Variants in MACROD1 observed in about 807,000 individuals in gnomAD.
MACROD1 encodes ADP-ribose glycohydrolase MACROD1.
In MACROD1, 31 loss-of-function variants were observed where a neutral mutation model predicts 41.4. The observed-to-expected ratio is 0.75, with a 90% confidence interval of 0.56 to 1.01. MACROD1 has a LOEUF of 1.01. MACROD1 is among the 50% of genes least tolerant of loss of function. MACROD1 has a pLI of 0.00. For synonymous variants in MACROD1, 252 were observed against 203.4 expected (o/e 1.24, Z -2.03); for missense variants, 473 against 460.0 (o/e 1.03, Z -0.26).
chr11:63,999,165 C>CCAT (rs1942771069), intron 8 of MACROD1, 129 bp from the exon 9 acceptor site: 3 of 1,290,908 alleles, frequency 2.3e-6, no homozygotes, highest in Admixed American at 2.1e-5. Flanking sequence ...CGGCTGTGTG[C>CCAT]CATCACCCCC....
chr11:64,162,586 G>A (rs1033432689), intron 1 of MACROD1, among the ~76,000 whole-genome samples: 10 of 151,682 alleles, frequency 6.6e-5, no homozygotes, highest in African/African-American at 2.2e-4. Context: ...AGGCTGAGGC[G>A]GGCAGATCAC....
chr11:64,013,416 T>C (rs933390102), intron 4 of MACROD1, among the ~76,000 whole-genome samples: 2 of 152,120 alleles, frequency 1.3e-5, no homozygotes, highest in African/African-American at 4.8e-5. Context: ...AGCAAGGGCA[T>C]TGCAGGCAGA....
chr11:64,070,541 G>T lies in MACROD1; in HGVS notation c.518-55260C>A, dbSNP rs144235418. Reference sequence around the variant, plus strand: ...GGAAGGCTGCCCGAGAGCAGAGCTCGAGAACTCGAAGCAAGTCAGGTGGGA... The same window carrying T: ...GGAAGGCTGCCCGAGAGCAGAGCTCTAGAACTCGAAGCAAGTCAGGTGGGA... On this transcript the variant is annotated intron_variant, in intron 3 of 10. Transcript: ENST00000255681. Among the ~76,000 whole-genome samples the T allele has an allele frequency of 3.9e-5, 6 of 152,284 alleles. No homozygotes were observed. The East Asian group carries it at 1.2e-3, about 29-fold the overall frequency.
chr11:64,000,140 C>G (rs2134317422), intron 5 of MACROD1, 87 bp downstream of exon 5: 1 of 1,102,884 alleles, frequency 9.1e-7, no homozygotes, highest in Admixed American at 2.2e-5. Flanking sequence ...TTCCCCAGCA[C>G]TCCTGTGGGG....
chr11:64,018,985 C>T (rs1165384530), intron 3 of MACROD1, among the ~76,000 whole-genome samples: 1 of 152,202 alleles, frequency 6.6e-6, no homozygotes, highest in Non-Finnish European at 1.5e-5. Context: ...GGACCCAGAC[C>T]TGCTCCCAGC....
chr11:64,105,572 G>A (rs540361983), intron 3 of MACROD1, among the ~76,000 whole-genome samples: 8 of 152,308 alleles, frequency 5.3e-5, no homozygotes, highest in African/African-American at 1.9e-4. Context: ...CCAACACTCA[G>A]GCACCCAGCC....
chr11:64,022,340 G>T (rs1173057664), intron 3 of MACROD1, among the ~76,000 whole-genome samples: 1 of 152,062 alleles, frequency 6.6e-6, no homozygotes, highest in Non-Finnish European at 1.5e-5. Flanking sequence ...CCCACAAAGT[G>T]TGTCCCCAGC....
intron 4 of MACROD1, among the ~76,000 whole-genome samples, chr11:64,010,782 G>A (rs917498117): frequency 2.0e-5 from 3 of 148,504 alleles, no homozygotes; most frequent in East Asian, 2.0e-4. Flanking sequence ...AGTTGGTTGG[G>A]GTGTTTGGGA....
intron 3 of MACROD1, among the ~76,000 whole-genome samples, chr11:64,121,610 A>T (rs889882169): frequency 3.3e-5 from 5 of 152,034 alleles, no homozygotes; most frequent in African/African-American, 1.2e-4. Flanking sequence ...GTCTCATACC[A>T]CAAGATAGGA....
chr11:64,088,117 A>G (rs1944426485), intron 3 of MACROD1, among the ~76,000 whole-genome samples: 1 of 152,168 alleles, frequency 6.6e-6, no homozygotes, highest in South Asian at 2.1e-4. Flanking sequence ...CCAGGGCCCC[A>G]GGAGTTCTGT....
chr11:64,109,274 A>G (rs908447593), intron 3 of MACROD1, among the ~76,000 whole-genome samples: 15 of 152,204 alleles, frequency 9.9e-5, no homozygotes, highest in Admixed American at 8.5e-4. Context: ...GCTGAGCAGC[A>G]GACAGTGGGC....
At chr11:64,065,197 C>G (rs1330217914) in intron 3 of MACROD1, among the ~76,000 whole-genome samples, 3 of 152,142 alleles carry the variant, frequency 2.0e-5, no homozygotes, top group African/African-American at 7.2e-5. Flanking sequence ...AGGAAGCAGG[C>G]CTGGGGTCAG....
At chr11:64,017,044 G>A (rs770237198) in intron 3 of MACROD1, among the ~76,000 whole-genome samples, 27 of 152,084 alleles carry the variant, frequency 1.8e-4, no homozygotes, top group Non-Finnish European at 2.9e-4. Flanking sequence ...ATCTCGGCTC[G>A]CTGCAACCTC....
intron 3 of MACROD1, among the ~76,000 whole-genome samples, chr11:64,098,469 C>T (rs1350411963): frequency 6.6e-6 from 1 of 152,224 alleles, no homozygotes; most frequent in East Asian, 1.9e-4. Flanking sequence ...GCAATGCTCT[C>T]CCTGCCCCCA....
intron 3 of MACROD1, among the ~76,000 whole-genome samples, chr11:64,043,386 G>A (rs1943525252): frequency 6.6e-6 from 1 of 152,194 alleles, no homozygotes; most frequent in African/African-American, 2.4e-5. Context: ...GCTGAGCCCC[G>A]AGGTCTGGGG....
intron 3 of MACROD1, among the ~76,000 whole-genome samples, chr11:64,093,637 A>G (rs1485670919): frequency 6.6e-6 from 1 of 152,206 alleles, no homozygotes; most frequent in Non-Finnish European, 1.5e-5. Context: ...TCTCTGCTGA[A>G]GACAGGAGAC....
chr11:64,031,041 C>T (rs564266994), intron 3 of MACROD1, among the ~76,000 whole-genome samples: 44 of 152,152 alleles, frequency 2.9e-4, no homozygotes, highest in Non-Finnish European at 1.2e-4. Flanking sequence ...GTTTCAAGGC[C>T]TGGGGGCAGG....
chr11:64,015,407 G>A, intron 3 of MACROD1, 126 bp from the exon 4 acceptor site: 1 of 777,230 alleles, frequency 1.3e-6, no homozygotes, highest in South Asian at 1.9e-5. Flanking sequence ...TTGGGCACAG[G>A]GTCTTCCCAG....
intron 1 of MACROD1, among the ~76,000 whole-genome samples, chr11:64,162,484 T>A (rs2622421): frequency 0.96 from 146,436 of 152,238 alleles, 70,682 homozygotes; most frequent in Middle Eastern, 1. Context: ...CCTGAGCAAC[T>A]GAGCGAGACC....
Sources: allele counts gnomAD v4.1 joint callset (sites outside exome capture counted in the v4.1 genomes callset), GRCh38; gene constraint gnomAD v4.1.1; transcripts MANE v1.5; gene names NCBI Gene and HGNC (gene_info 2026-07-23, HGNC 2026-07-21).